ITGBL1: variants seen among roughly 807,000 people sequenced by gnomAD.
The protein encoded by ITGBL1 is integrin subunit beta like 1.
ITGBL1 carries 51 observed loss-of-function variants against 68.5 expected under a neutral mutation model. That is an observed-to-expected ratio of 0.74 (90% CI 0.59 to 0.94). The LOEUF (loss-of-function observed/expected upper bound fraction) is 0.94. Ranked by LOEUF, ITGBL1 falls within the 40% of genes least tolerant of loss-of-function variation. The pLI, the probability that ITGBL1 is intolerant of heterozygous loss-of-function variation, is 0.00. For missense variants in ITGBL1, 649 were observed against 647.4 expected, an observed-to-expected ratio of 1.00 and a Z score of -0.03; for synonymous variants, 209 against 227.3, an observed-to-expected ratio of 0.92 and a Z score of 0.72.
At chr13:101,531,547 C>A (rs937229203) in intron 2 of ITGBL1, among the ~76,000 whole-genome samples, 2 of 148,266 alleles carry the variant, frequency 1.3e-5, no homozygotes, top group South Asian at 2.1e-4. Flanking sequence ...CATTTGCACT[C>A]GAAAACAGGG....
intron 7 of ITGBL1, among the ~76,000 whole-genome samples, chr13:101,641,332 A>T (rs1402668211): frequency 6.6e-6 from 1 of 152,150 alleles, no homozygotes; most frequent in Admixed American, 6.5e-5. Flanking sequence ...AGGTGAAGAA[A>T]TAAACATATA....
chr13:101,520,293 A>T (rs1449793189), intron 2 of ITGBL1, among the ~76,000 whole-genome samples: 1 of 152,226 alleles, frequency 6.6e-6, no homozygotes, highest in Non-Finnish European at 1.5e-5. Context: ...GTTGAGTACG[A>T]TCAAAACTCC....
At chr13:101,604,887 T>TATACATACACACACACAC in intron 7 of ITGBL1, among the ~76,000 whole-genome samples, 1 of 22,164 alleles carries the variant, frequency 4.5e-5, no homozygotes, top group Non-Finnish European at 8.2e-5. Flanking sequence ...TATATATATA[T>TATACATACACACACACAC]ACACACACAC....
At chr13:101,648,206 A>G (rs2032627438) in intron 7 of ITGBL1, among the ~76,000 whole-genome samples, 1 of 152,232 alleles carries the variant, frequency 6.6e-6, no homozygotes, top group Non-Finnish European at 1.5e-5. Context: ...AAACAAAACA[A>G]ATAAGCAGAC....
intron 2 of ITGBL1, among the ~76,000 whole-genome samples, chr13:101,500,763 A>G (rs1352993232): frequency 4.6e-5 from 7 of 152,180 alleles, no homozygotes; most frequent in Non-Finnish European, 1.0e-4. Flanking sequence ...GTTTTTCTAA[A>G]TATAATAACA....
At chr13:101,479,322 G>T (rs1489586089) in intron 2 of ITGBL1, among the ~76,000 whole-genome samples, 1 of 151,986 alleles carries the variant, frequency 6.6e-6, no homozygotes, top group Non-Finnish European at 1.5e-5. Context: ...ATGTATTAAA[G>T]ACTTAAATCT....
chr13:101,509,304 T>A lies in ITGBL1; in HGVS notation c.316+55204T>A, dbSNP rs117133358. On this transcript the variant is annotated intron_variant, in intron 2 of 10. Transcript: ENST00000376180. ...CCTGCCCCCATAATTCAATCACCTC[T>A]CACTAGGTTCCTGCCATGACACCTG... Among the ~76,000 whole-genome samples the A allele has an allele frequency of 8.1e-3, 1,234 of 152,164 alleles. 7 individuals carry two copies. Among genetic ancestry groups the A allele is most frequent in the South Asian group, 0.031 (151 of 4,810 alleles).
chr13:101,490,151 A>T (rs1345108402), intron 2 of ITGBL1, among the ~76,000 whole-genome samples: 1 of 152,094 alleles, frequency 6.6e-6, no homozygotes, highest in Non-Finnish European at 1.5e-5. Flanking sequence ...AGTTGAGTAC[A>T]TGAGGGTGGG....
chr13:101,579,242 A>C (rs1566740196), intron 4 of ITGBL1, 45 bp from the exon 5 acceptor site: 1 of 1,597,050 alleles, frequency 6.3e-7, no homozygotes, highest in Non-Finnish European at 8.6e-7. Flanking sequence ...TCTGCTTATG[A>C]AAGTTGCTTT....
At chr13:101,693,407 T>C (rs899333449) in intron 8 of ITGBL1, among the ~76,000 whole-genome samples, 18 of 152,276 alleles carry the variant, frequency 1.2e-4, no homozygotes, top group Admixed American at 9.2e-4. Flanking sequence ...TACAAGAAAA[T>C]AATTATATCC....
chr13:101,691,383 A>G (rs1349491774), intron 7 of ITGBL1, among the ~76,000 whole-genome samples: 1 of 152,198 alleles, frequency 6.6e-6, no homozygotes, highest in African/African-American at 2.4e-5. Flanking sequence ...CTTTAATTAC[A>G]GCTCTGAAAT....
intron 2 of ITGBL1, among the ~76,000 whole-genome samples, chr13:101,563,961 A>G (rs1230020102): frequency 6.6e-6 from 1 of 151,894 alleles, no homozygotes; most frequent in African/African-American, 2.4e-5. Context: ...CTTATTACCA[A>G]CCAAATGAGG....
At chr13:101,642,615 GT>G (rs1371401451) in intron 7 of ITGBL1, among the ~76,000 whole-genome samples, 2 of 151,920 alleles carry the variant, frequency 1.3e-5, no homozygotes, top group African/African-American at 4.8e-5. Flanking sequence ...TGCTTTTGGT[GT>G]TTTAGACATG....
At chr13:101,586,731 G>A (rs1379124905) in intron 6 of ITGBL1, among the ~76,000 whole-genome samples, 1 of 152,114 alleles carries the variant, frequency 6.6e-6, no homozygotes, top group African/African-American at 2.4e-5. Context: ...TGGGTACTCA[G>A]ATTTTTTTAA....
intron 7 of ITGBL1, among the ~76,000 whole-genome samples, chr13:101,605,814 G>A (rs1380471809): frequency 6.6e-6 from 1 of 150,492 alleles, no homozygotes; most frequent in African/African-American, 2.4e-5. Flanking sequence ...GTGTAGACAT[G>A]TATGTGCATA....
intron 7 of ITGBL1, among the ~76,000 whole-genome samples, chr13:101,633,286 C>A (rs1005464963): frequency 4.6e-5 from 7 of 152,158 alleles, no homozygotes; most frequent in Non-Finnish European, 1.0e-4. Flanking sequence ...TCTACTTGAC[C>A]TGTTGACCTG....
chr13:101,567,934 C>T, intron 3 of ITGBL1, 89 bp downstream of exon 3: 1 of 1,010,856 alleles, frequency 9.9e-7, no homozygotes, highest in African/African-American at 1.6e-5. Flanking sequence ...AATGTTGAAT[C>T]TCAGAGTGAG....
chr13:101,481,424 G>A (rs2048622702), intron 2 of ITGBL1, among the ~76,000 whole-genome samples: 1 of 151,992 alleles, frequency 6.6e-6, no homozygotes, highest in Admixed American at 6.6e-5. Flanking sequence ...AATGATGCTA[G>A]GCACATTGTG....
At chr13:101,457,297 A>G (rs952111179) in intron 2 of ITGBL1, among the ~76,000 whole-genome samples, 2 of 152,166 alleles carry the variant, frequency 1.3e-5, no homozygotes, top group African/African-American at 4.8e-5. Flanking sequence ...ACTTCTCTTC[A>G]TGTAGTCTGG....
Sources: allele counts gnomAD v4.1 joint callset (sites outside exome capture counted in the v4.1 genomes callset), GRCh38; gene constraint gnomAD v4.1.1; transcripts MANE v1.5; gene names NCBI Gene and HGNC (gene_info 2026-07-23, HGNC 2026-07-21).